Variants in SLC34A1 observed in about 807,000 individuals in gnomAD.
SLC34A1 encodes solute carrier family 34 member 1.
Under a neutral mutation model 51.4 loss-of-function variants are expected in SLC34A1, and 57 were observed. The observed-to-expected ratio is 1.11, with a 90% CI of 0.90 to 1.38. The LOEUF (loss-of-function observed/expected upper bound fraction) is 1.38. Ranked by LOEUF, SLC34A1 falls within the 40% of genes most tolerant of loss-of-function variation. The pLI, the probability that SLC34A1 is intolerant of heterozygous loss-of-function variation, is 0.00. For missense variants in SLC34A1, 796 were observed against 835.6 expected (o/e 0.95, Z 0.58); for synonymous variants, 368 against 358.0 (o/e 1.03, Z -0.32).
Position 177,388,048 on chromosome 5 carries a change from C to A in SLC34A1, c.699C>A (p.Val233=). The stretch of plus-strand genomic sequence containing the variant: ...GCTTTAACTGGCTGTCAGTGCTGGT[C>A]CTGCTGCCCCTGGAGGCTGCCACTG... ...HDCFNWLSVL[V]LLPLEAATGY... is the part of the protein sequence containing the mutation. The change falls in exon 7 of 13, where the codon GTC becomes GTA. Residue 233 remains valine, a synonymous_variant. Transcript: ENST00000324417. The surrounding 1 kb of genome is among the most constrained non-coding windows in gnomAD (Gnocchi z 4.3). 2 of 1,614,094 alleles carry A rather than the reference C, an allele frequency of 1.2e-6. No homozygotes were observed. The highest frequency in any genetic ancestry group is 1.7e-6 in the Non-Finnish European group (2 of 1,180,008).
At chr5:177,385,453 G>A (rs1275581815) in intron 1 of SLC34A1, among the ~76,000 whole-genome samples, 1 of 151,980 alleles carries the variant, frequency 6.6e-6, no homozygotes, top group Non-Finnish European at 1.5e-5. Context: ...ACATGCAGGT[G>A]CCCAGCACAG....
rs773807244 is a variant in SLC34A1, at chr5:177,398,031, G to A, written c.1665G>A (p.Val555=). ...GTPFGALLAF[V]VLINVLQSRS... is the part of the protein sequence containing the mutation. ...CCTTCGGGGCCCTGCTGGCCTTCGTGGTGCTCATCAATGTCCTGCAGAGTC... is the reference window on the plus strand; with the variant it reads ...CCTTCGGGGCCCTGCTGGCCTTCGTAGTGCTCATCAATGTCCTGCAGAGTC... Residue 555 remains valine, a synonymous_variant, in exon 13 of 13, where the codon GTG becomes GTA. Coordinates refer to ENST00000324417, the MANE Select transcript of SLC34A1 (RefSeq NM_003052.5). The surrounding 1 kb of genome is among the most constrained non-coding windows in gnomAD (Gnocchi z 4.7). 1.2e-6 allele frequency: 2 copies of A among 1,614,004 alleles called. No homozygotes were observed. Among genetic ancestry groups the A allele is most frequent in the Admixed American group, 1.7e-5 (1 of 60,012 alleles).
Position 177,388,237 on chromosome 5 carries a change from C to G in SLC34A1, c.841-40C>G. 1 of 1,613,840 alleles carries G rather than the reference C, an allele frequency of 6.2e-7. No individual in the cohort carries two copies. The highest frequency in any genetic ancestry group is 8.5e-7 in the Non-Finnish European group (1 of 1,179,798). On this transcript the variant is annotated intron_variant, in intron 7 of 12. Coordinates refer to ENST00000324417, the MANE Select transcript of SLC34A1 (RefSeq NM_003052.5). The surrounding 1 kb of genome is among the most constrained non-coding windows in gnomAD (Gnocchi z 4.3). ...GGTGAGGGTGGGGGTAACAAGGGAC[C>G]CAGCCTCCTTCACTCCCCCTGCCCA...
At chr5:177,392,336 G>T (rs1208932586) in intron 8 of SLC34A1, among the ~76,000 whole-genome samples, 1 of 152,176 alleles carries the variant, frequency 6.6e-6, no homozygotes, top group Non-Finnish European at 1.5e-5. Context: ...GGTGGCAGGG[G>T]CCTGTAACCC....
chr5:177,397,725 C>T, intron 12 of SLC34A1, 58 bp from the exon 13 acceptor site: 2 of 1,599,140 alleles, frequency 1.3e-6, no homozygotes, highest in Non-Finnish European at 1.7e-6. Flanking sequence ...CCCTGCTGGC[C>T]TGACACAGGA....
At chr5:177,390,137 T>G in intron 8 of SLC34A1, 1 of 1,028,680 alleles carries the variant, frequency 9.7e-7, no homozygotes, top group Non-Finnish European at 1.2e-6. Context: ...CCTGTTCCCA[T>G]TGACGCCAAC....
chr5:177,397,526 T>C, intron 12 of SLC34A1: 1 of 582,524 alleles, frequency 1.7e-6, no homozygotes, highest in Non-Finnish European at 3.1e-6. Context: ...GGGGGATTCC[T>C]GTGCGAGGGG....
Position 177,398,338 on chromosome 5 carries a change from C to G in SLC34A1, c.*52C>G. On this transcript the variant is annotated 3_prime_UTR_variant, in exon 13 of 13. Transcript: ENST00000324417. This position sits in a 1 kb window ranked among gnomAD's most constrained non-coding sequence, Gnocchi z 4.7. Reference sequence around the variant, plus strand: ...ATGGGGAAGGCCTGGGGTGGAAAGGCAGGGGAGGGAGGGTGTGTGTAGGTA... The same window carrying G: ...ATGGGGAAGGCCTGGGGTGGAAAGGGAGGGGAGGGAGGGTGTGTGTAGGTA... The G allele has an allele frequency of 6.3e-7, 1 of 1,593,718 alleles. No homozygotes were observed. Among genetic ancestry groups the G allele is most frequent in the Non-Finnish European group, 8.5e-7 (1 of 1,176,154 alleles).
chr5:177,388,302 T>C lies in SLC34A1; in HGVS notation c.866T>C (p.Ile289Thr). The change falls in exon 8 of 13, where the codon ATT (isoleucine) becomes ACT (threonine). Residue 289 changes from isoleucine to threonine, a missense_variant. Physicochemically the swap from Ile to Thr is moderately conservative, Grantham distance 89. Coordinates refer to ENST00000324417, the MANE Select transcript of SLC34A1 (RefSeq NM_003052.5). This position sits in a 1 kb window ranked among gnomAD's most constrained non-coding sequence, Gnocchi z 4.3. The part of the protein sequence containing the change: ...IQLDESVITS[I>T]ATGDESLRNH... ...CTGGACGAGTCTGTGATAACCAGCA[T>C]TGCCACTGGTGATGAGTCCCTGAGG... 1 of 1,614,142 alleles carries C rather than the reference T, an allele frequency of 6.2e-7. No homozygotes were observed. The highest frequency in any genetic ancestry group is 8.5e-7 in the Non-Finnish European group (1 of 1,180,016).
chr5:177,394,135 A>G lies in SLC34A1; in HGVS notation c.1114A>G (p.Met372Val). 2 of 1,614,044 alleles carry G rather than the reference A, an allele frequency of 1.2e-6. No homozygotes were observed. Among genetic ancestry groups the G allele is most frequent in the East Asian group, 4.5e-5 (2 of 44,894 alleles). Residue 372 changes from methionine (M) to valine (V), a missense_variant, in exon 10 of 13, where the codon ATG becomes GTG. Met to Val is a conservative substitution (Grantham distance 21). Coordinates refer to ENST00000324417, the MANE Select transcript of SLC34A1 (RefSeq NM_003052.5). Reference protein sequence around the residue: ...LCTCLILLVKMLNSLLKGQVA... With the variant: ...LCTCLILLVKVLNSLLKGQVA... ...CACCTGCCTCATCCTCCTAGTCAAG[A>G]TGCTCAACTCCCTGCTCAAGGGCCA...
chr5:177,386,249 G>A lies in SLC34A1; in HGVS notation c.288G>A (p.Gln96=). The change falls in exon 4 of 13, where the codon CAG becomes CAA. Residue 96 remains glutamine (Q), a synonymous_variant. Transcript: ENST00000324417. This position sits in a 1 kb window ranked among gnomAD's most constrained non-coding sequence, Gnocchi z 4.8. The part of the protein sequence containing the change: ...PESRLVPKLR[Q]AGAMLLKVPL... The stretch of plus-strand genomic sequence containing the variant: ...CCAGGCTGGTCCCCAAGCTGCGCCA[G>A]GCTGGCGCCATGCTGCTCAAGGTGC... 6.5e-7 allele frequency: 1 copy of A among 1,544,116 alleles called. No individual in the cohort carries two copies. The highest frequency in any genetic ancestry group is 2.2e-5 in the East Asian group (1 of 44,882).
rs751291735 is a variant in SLC34A1 at position 177,396,905 on chromosome 5, CG to C, written c.1292-44del. The C allele has an allele frequency of 2.5e-6, 4 of 1,614,130 alleles. No homozygotes were observed. The East Asian group carries it at 8.9e-5, about 36-fold the overall frequency. On this transcript the variant is annotated intron_variant, in intron 11 of 12. Coordinates refer to ENST00000324417, the MANE Select transcript of SLC34A1 (RefSeq NM_003052.5). This position sits in a 1 kb window ranked among gnomAD's most constrained non-coding sequence, Gnocchi z 4.0. ...GGGCCAGGGCTGGCAGGGAAAGGGC[CG>C]AAGGAGACGCTGGGGGTCCCACTTC... is the stretch of plus-strand genomic sequence containing the variant.
At chr5:177,397,719 G>C in intron 12 of SLC34A1, 64 bp from the exon 13 acceptor site, 1 of 1,596,522 alleles carries the variant, frequency 6.3e-7, no homozygotes, top group Non-Finnish European at 8.5e-7. Flanking sequence ...ATCTACCCCT[G>C]CTGGCCTGAC....
In SLC34A1 at chr5:177,388,071, C is replaced by T. The variant is rs1762661714; in HGVS notation, c.722C>T (p.Thr241Ile). Residue 241 changes from threonine (T) to isoleucine (I), a missense_variant, in exon 7 of 13, where the codon ACT (threonine) becomes ATT (isoleucine). By Grantham distance (89) the Thr-to-Ile change is moderately conservative. Coordinates refer to ENST00000324417, the MANE Select transcript of SLC34A1 (RefSeq NM_003052.5). This position sits in a 1 kb window ranked among gnomAD's most constrained non-coding sequence, Gnocchi z 4.3. ...VLVLLPLEAA[T>I]GYLHHITRLV... ...GTCCTGCTGCCCCTGGAGGCTGCCACTGGCTACCTGCACCACATCACTCGA... is the reference window on the plus strand; with the variant it reads ...GTCCTGCTGCCCCTGGAGGCTGCCATTGGCTACCTGCACCACATCACTCGA... 6.2e-7 allele frequency: 1 copy of T among 1,614,144 alleles called. No individual in the cohort carries two copies. The highest frequency in any genetic ancestry group is 8.5e-7 in the Non-Finnish European group (1 of 1,180,028).
intron 12 of SLC34A1, 195 bp from the exon 13 acceptor site, chr5:177,397,588 C>T: frequency 2.9e-6 from 2 of 684,540 alleles, no homozygotes; most frequent in South Asian, 3.5e-5. Flanking sequence ...ACCAACTGGT[C>T]TAGAAGTATT....
In SLC34A1 at chr5:177,384,464, G is replaced by A. The variant is rs933686277; in HGVS notation, c.-71G>A. 3 of 152,210 alleles carry A rather than the reference G, an allele frequency of 2.0e-5. No homozygotes were observed. The highest frequency in any genetic ancestry group is 7.2e-5 in the African/African-American group (3 of 41,382). The allele number at this position is 152,210 out of a possible 1,614,324, so 9.4% of individuals were successfully genotyped here. A position where few individuals can be genotyped will look rare whatever the true frequency, so the allele number is the denominator to read the frequency against. Reference sequence around the variant, plus strand: ...GGAGGCTTCATTGAGCTGCTGAGCAGAAGCTGAAACACAGAATTCTAAGGT... The same window carrying A: ...GGAGGCTTCATTGAGCTGCTGAGCAAAAGCTGAAACACAGAATTCTAAGGT... On this transcript the variant is annotated 5_prime_UTR_variant, in exon 1 of 13. Transcript: ENST00000324417.
chr5:177,385,677 A>T lies in SLC34A1; in HGVS notation c.-47-18A>T. 8.5e-7 allele frequency: 1 copy of T among 1,181,918 alleles called. No individual in the cohort carries two copies. The highest frequency in any genetic ancestry group is 1.3e-6 in the Non-Finnish European group (1 of 800,000). The allele number at this position is 1,181,918 out of a possible 1,614,324, so 73.2% of individuals were successfully genotyped here. A position where few individuals can be genotyped will look rare whatever the true frequency, so the allele number is the denominator to read the frequency against. On this transcript the variant is annotated intron_variant, in intron 1 of 12. Transcript: ENST00000324417. ...GTGTGTGGGCATGAGTGTCCCGGACACAGCTATTGTCATTCAGCGTTGCTG... is the reference window on the plus strand; with the variant it reads ...GTGTGTGGGCATGAGTGTCCCGGACTCAGCTATTGTCATTCAGCGTTGCTG...
rs758437749 is a variant in SLC34A1, at chr5:177,396,430, A to G, written c.1175-303A>G. Among the ~76,000 whole-genome samples the G allele has an allele frequency of 2.1e-3, 257 of 123,826 alleles. No homozygotes were observed. Among genetic ancestry groups the G allele is most frequent in the Middle Eastern group, 9.1e-3 (2 of 220 alleles). The allele number at this position is 123,826 out of a possible 152,430, so 81.2% of individuals were successfully genotyped here. A position where few individuals can be genotyped will look rare whatever the true frequency, so the allele number is the denominator to read the frequency against. On this transcript the variant is annotated intron_variant, in intron 10 of 12. Coordinates refer to ENST00000324417, the MANE Select transcript of SLC34A1 (RefSeq NM_003052.5). The surrounding 1 kb of genome is among the most constrained non-coding windows in gnomAD (Gnocchi z 4.0). ...CGTCTCTCCCAGTGCCCCCGCGGAG[A>G]TCCGCTCTCCCAGTGCCCCCGCGGA...
chr5:177,385,123 G>A (rs752868462), intron 1 of SLC34A1, among the ~76,000 whole-genome samples: 13 of 152,112 alleles, frequency 8.5e-5, no homozygotes, highest in African/African-American at 2.4e-4. Flanking sequence ...CTCGGGATCC[G>A]GCCCAGGGGA....
Sources: allele counts gnomAD v4.1 joint callset (sites outside exome capture counted in the v4.1 genomes callset), GRCh38; gene constraint gnomAD v4.1.1; non-coding constraint Gnocchi (gnomAD v3.1); transcripts MANE v1.5; gene names NCBI Gene and HGNC (gene_info 2026-07-23, HGNC 2026-07-21).